Variants in NAV1 observed in about 807,000 individuals in gnomAD.
NAV1 encodes pore membrane and/or filament interacting like protein 3.
Under a neutral mutation model 175.2 loss-of-function variants are expected in NAV1, and 18 were observed. The observed-to-expected ratio is 0.10, with a 90% CI of 0.07 to 0.15. The LOEUF is 0.15. Ranked by LOEUF, NAV1 falls within the 10% of genes least tolerant of loss-of-function variation. The pLI is 1.00. For synonymous variants in NAV1, 897 were observed against 978.7 expected (o/e 0.92, Z 1.56); for missense variants, 1,731 against 2,436.6 (o/e 0.71, Z 6.10).
At chr1:201,773,849 T>G (rs910901728) in intron 3 of NAV1, among the ~76,000 whole-genome samples, 2 of 152,226 alleles carry the variant, frequency 1.3e-5, no homozygotes, top group Non-Finnish European at 2.9e-5. Flanking sequence ...TTGACAAGGT[T>G]CTTCATCTTC....
intron 3 of NAV1, among the ~76,000 whole-genome samples, chr1:201,745,791 T>A (rs1673729140): frequency 6.6e-6 from 1 of 152,326 alleles, no homozygotes; most frequent in African/African-American, 2.4e-5. Flanking sequence ...GAAGAGCTGC[T>A]AATGAGGTTC....
intron 1 of NAV1, among the ~76,000 whole-genome samples, chr1:201,709,425 A>G (rs985069778): frequency 6.6e-6 from 1 of 152,148 alleles, no homozygotes; most frequent in Non-Finnish European, 1.5e-5. Context: ...ATGGGTGTGA[A>G]TGTCAGATTG....
intron 3 of NAV1, among the ~76,000 whole-genome samples, chr1:201,747,901 C>T (rs571495728): frequency 6.6e-6 from 1 of 152,320 alleles, no homozygotes; most frequent in Admixed American, 6.5e-5. Flanking sequence ...TCACTGAGTG[C>T]TTATCTTGGG....
intron 2 of NAV1, among the ~76,000 whole-genome samples, chr1:201,642,750 CCTT>C (rs1413317277): frequency 1.1e-4 from 16 of 146,274 alleles, no homozygotes; most frequent in Non-Finnish European, 2.0e-4. Context: ...CTCCCTCCCT[CCTT>C]CTTTTCTTTT....
At chr1:201,756,539 G>C (rs1674474204) in intron 3 of NAV1, among the ~76,000 whole-genome samples, 1 of 152,166 alleles carries the variant, frequency 6.6e-6, no homozygotes. Flanking sequence ...GACTGATGGT[G>C]TCCTGGGTTG....
chr1:201,589,108 A>G (rs1050504604), intron 2 of NAV1, among the ~76,000 whole-genome samples: 3 of 152,212 alleles, frequency 2.0e-5, no homozygotes, highest in African/African-American at 7.2e-5. Flanking sequence ...TTGGCCTCCC[A>G]AAGTGCTGGG....
Position 201,783,814 on chromosome 1 carries a change from G to A in NAV1, c.2766G>A (p.Leu922=), listed in dbSNP as rs186967823. The change falls in exon 7 of 30, where the codon CTG becomes CTA. Residue 922 remains leucine, a synonymous_variant. Transcript: ENST00000367296. ...CCACAGAAGAAGAGACGGAAGAGCT[G>A]ACTTGGAGTGGAAGCCCCAGAGCTG... The A allele has an allele frequency of 1.0e-4, 168 of 1,613,706 alleles. 2 individuals carry two copies. In the South Asian group the frequency reaches 1.6e-3, roughly 15 times the overall value.
At chr1:201,646,972 G>A (rs1668998915), upstream of NAV1, among the ~76,000 whole-genome samples, 1 of 152,222 alleles carries the variant, frequency 6.6e-6, no homozygotes, top group South Asian at 2.1e-4. Flanking sequence ...CTAGGAGAAA[G>A]GGAGGAAAGG....
chr1:201,608,583 A>C (rs1273890574), intron 2 of NAV1, among the ~76,000 whole-genome samples: 1 of 152,212 alleles, frequency 6.6e-6, no homozygotes, highest in African/African-American at 2.4e-5. Context: ...GAAACAGAGG[A>C]GGCACTTTTC....
At chr1:201,752,214 A>G (rs1241808035) in intron 3 of NAV1, among the ~76,000 whole-genome samples, 1 of 114,784 alleles carries the variant, frequency 8.7e-6, no homozygotes, top group Non-Finnish European at 1.8e-5. Context: ...AGAGGTCTAT[A>G]AAAATTACAA....
In NAV1 at chr1:201,794,460, T is replaced by A. The variant is rs1325089650; in HGVS notation, c.3406-6T>A. Reference sequence around the variant, plus strand: ...CCAGCCAACGCTATTTTCATTTCTCTCTTAGGACACTGAGCTGCTGGATTT... The same window carrying A: ...CCAGCCAACGCTATTTTCATTTCTCACTTAGGACACTGAGCTGCTGGATTT... On this transcript the variant is annotated splice_polypyrimidine_tract_variant and splice_region_variant and intron_variant, in intron 14 of 29. Coordinates refer to ENST00000367296, the Ensembl canonical transcript of NAV1. 1.2e-6 allele frequency: 2 copies of A among 1,611,906 alleles called. No homozygotes were observed. The highest frequency in any genetic ancestry group is 8.5e-7 in the Non-Finnish European group (1 of 1,179,246).
chr1:201,784,569 A>T (rs866786024), intron 7 of NAV1, among the ~76,000 whole-genome samples: 2,889 of 136,838 alleles, frequency 0.021, 96 homozygotes, highest in African/African-American at 0.074. Context: ...AATACGATCT[A>T]TTTTTTTTTT....
chr1:201,759,882 C>A (rs754094986), intron 3 of NAV1, among the ~76,000 whole-genome samples: 1 of 152,138 alleles, frequency 6.6e-6, no homozygotes, highest in African/African-American at 2.4e-5. Flanking sequence ...TGAATAAACT[C>A]CCCCAGTAAC....
intron 2 of NAV1, among the ~76,000 whole-genome samples, chr1:201,592,638 G>C (rs898268917): frequency 6.6e-6 from 1 of 152,118 alleles, no homozygotes; most frequent in Non-Finnish European, 1.5e-5. Context: ...GCTTCCTGGG[G>C]GGAGGTGGTC....
chr1:201,558,745 C>T (rs188539287), intron 1 of NAV1, among the ~76,000 whole-genome samples: 41 of 151,954 alleles, frequency 2.7e-4, no homozygotes, highest in Admixed American at 3.9e-4. Context: ...CCACCGCGCC[C>T]GGCACAGGTG....
chr1:201,605,792 G>T (rs1253779515), intron 2 of NAV1, among the ~76,000 whole-genome samples: 1 of 152,216 alleles, frequency 6.6e-6, no homozygotes, highest in East Asian at 1.9e-4. Context: ...GGGCTAAGGA[G>T]AGGGGGAATG....
rs1354081587 is a variant in NAV1 at position 201,625,943 on chromosome 1, ATG to A, written c.-101+2341_-101+2342del. ...GTTTGCATTTTAAACAGAAATGGAAATGTGTCACACCACCCTACCTCCTAGAC... is the reference window on the plus strand; with the variant it reads ...GTTTGCATTTTAAACAGAAATGGAAATGTCACACCACCCTACCTCCTAGAC... On this transcript the variant is annotated intron_variant, in intron 1 of 29. Coordinates refer to the NAV1 transcript ENST00000367302. 5.9e-5 allele frequency among the ~76,000 whole-genome samples: 9 copies of A among 152,364 alleles called. No individual in the cohort carries two copies. The East Asian group carries it at 1.5e-3, about 26-fold the overall frequency.
chr1:201,554,084 T>G (rs1665944077), intron 1 of NAV1, among the ~76,000 whole-genome samples: 1 of 152,332 alleles, frequency 6.6e-6, no homozygotes, highest in South Asian at 2.1e-4. Context: ...TTTTCTTCCC[T>G]CCATGGACTG....
intron 3 of NAV1, among the ~76,000 whole-genome samples, chr1:201,752,797 A>G (rs1310834714): frequency 1.3e-5 from 2 of 152,158 alleles, no homozygotes; most frequent in African/African-American, 4.8e-5. Context: ...TTTGTCTGCC[A>G]ATTGTGCAAA....
Sources: gnomAD v4.1 joint callset for allele counts (sites outside exome capture counted in the v4.1 genomes callset) on GRCh38, gnomAD v4.1.1 for gene constraint, MANE v1.5 for transcripts, NCBI Gene and HGNC (gene_info 2026-07-23, HGNC 2026-07-21) for gene names.